The following LEMD3 variants were observed in gnomAD, a reference collection of about 807,000 sequenced individuals.
LEMD3 encodes the protein inner nuclear membrane protein Man1.
Under a neutral mutation model 95.2 loss-of-function variants are expected in LEMD3, and 33 were observed. The ratio of observed to expected loss-of-function variants is 0.35; its 90% confidence interval spans 0.26 to 0.46. The LOEUF (loss-of-function observed/expected upper bound fraction) is 0.46. Ranked by LOEUF, LEMD3 falls within the 20% of genes least tolerant of loss-of-function variation. The probability of loss-of-function intolerance (pLI) is 1.00; values close to 1 mark genes in which losing one functional copy is unlikely to be tolerated. For missense variants in LEMD3, 1,210 were observed against 1,192.8 expected, an observed-to-expected ratio of 1.01 and a Z score of -0.21; for synonymous variants, 525 against 474.6, an observed-to-expected ratio of 1.11 and a Z score of -1.38.
chr12:65,221,801 T>C (rs1016097995), intron 4 of LEMD3, among the ~76,000 whole-genome samples: 2 of 146,096 alleles, frequency 1.4e-5, no homozygotes, highest in African/African-American at 5.1e-5. Flanking sequence ...AGTGCAGTGG[T>C]GTGATCTCTG....
intron 1 of LEMD3, among the ~76,000 whole-genome samples, chr12:65,204,352 C>T (rs1036210712): frequency 2.6e-5 from 4 of 152,008 alleles, no homozygotes; most frequent in Middle Eastern, 3.2e-3. Context: ...TCTGACAGGT[C>T]CCAGTGTGGG....
intron 1 of LEMD3, among the ~76,000 whole-genome samples, chr12:65,193,068 G>A (rs545701206): frequency 1.3e-5 from 2 of 152,210 alleles, no homozygotes; most frequent in East Asian, 1.9e-4. Flanking sequence ...TGTTAGCAGC[G>A]GAACGTATCA....
intron 2 of LEMD3, among the ~76,000 whole-genome samples, chr12:65,212,825 T>TA (rs1869983107): frequency 6.6e-6 from 1 of 152,200 alleles, no homozygotes; most frequent in Non-Finnish European, 1.5e-5. Context: ...AGCCAGTAGT[T>TA]AGACATTTAA....
chr12:65,186,632 T>C (rs769076636), intron 1 of LEMD3, among the ~76,000 whole-genome samples: 19 of 106,406 alleles, frequency 1.8e-4, no homozygotes, highest in Middle Eastern at 4.6e-3. Flanking sequence ...TTTAGATTGC[T>C]TTTTTTTTTT....
At chr12:65,194,848 G>GATTATAATTTATAAATTATAATTTAA (rs1869372263) in intron 1 of LEMD3, among the ~76,000 whole-genome samples, 1 of 139,342 alleles carries the variant, frequency 7.2e-6, no homozygotes, top group African/African-American at 2.5e-5. Context: ...TTATAATTTA[G>GATTATAATTTATAAATTATAATTTAA]ATTATAATTT....
intron 1 of LEMD3, among the ~76,000 whole-genome samples, chr12:65,204,024 A>G (rs1264919514): frequency 6.6e-6 from 1 of 152,090 alleles, no homozygotes; most frequent in Non-Finnish European, 1.5e-5. Flanking sequence ...ATGTGTCTTT[A>G]CATTTGAGGT....
At chr12:65,232,216 CACTACAAAGTTGAT>C (rs1870651020) in intron 4 of LEMD3, among the ~76,000 whole-genome samples, 1 of 152,206 alleles carries the variant, frequency 6.6e-6, no homozygotes, top group African/African-American at 2.4e-5. Flanking sequence ...GGAGGAAACT[CACTACAAAGTTGAT>C]ATCAAACAAG....
chr12:65,238,399 G>T, intron 4 of LEMD3, 103 bp from the exon 5 acceptor site: 1 of 713,088 alleles, frequency 1.4e-6, no homozygotes, highest in Non-Finnish European at 2.4e-6. Context: ...TTTATGTTAT[G>T]TAGTTAAAAT....
chr12:65,219,603 T>C (rs1039565685), intron 4 of LEMD3, among the ~76,000 whole-genome samples: 1 of 152,202 alleles, frequency 6.6e-6, no homozygotes, highest in African/African-American at 2.4e-5. Context: ...TGTTAACATA[T>C]TTTTAAGTAT....
intron 2 of LEMD3, among the ~76,000 whole-genome samples, chr12:65,214,203 T>C (rs1375513180): frequency 6.6e-6 from 1 of 152,096 alleles, no homozygotes; most frequent in African/African-American, 2.4e-5. Context: ...TAGCTGGGAC[T>C]ACAGGTGCAT....
At position 65,171,109 on chromosome 12, in the gene LEMD3, G is replaced by T; in HGVS notation, c.1513G>T (p.Glu505Ter). The change falls in exon 1 of 13, where the codon GAA becomes TAA. Residue 505 changes from glutamate to a stop codon, truncating the protein, a stop_gained. Transcript: ENST00000308330. LOFTEE classifies it high-confidence loss of function. ...AGGGACAGGAGTATCTGAGGATGGA[G>T]AACTCAGCAGTAAGTATTAAATCCT... Reference protein sequence around the residue: ...MRGTGVSEDGELSIENPFGET... With the variant: ...MRGTGVSEDG 6.2e-7 allele frequency: 1 copy of T among 1,611,264 alleles called. No individual in the cohort carries two copies. The highest frequency in any genetic ancestry group is 1.1e-5 in the South Asian group (1 of 91,056).
Position 65,193,732 on chromosome 12 carries a change from C to CTGTGTGTGTGTGTGTGTGTGTG in LEMD3, c.1523-17172_1523-17151dup, listed in dbSNP as rs746675293. 7.6e-4 allele frequency among the ~76,000 whole-genome samples: 99 copies of CTGTGTGTGTGTGTGTGTGTGTG among 129,418 alleles called. 4 individuals carry two copies. The highest frequency in any genetic ancestry group is 2.4e-3 in the African/African-American group (79 of 32,854). 84.9% of individuals were successfully genotyped at this position (129,418 alleles called of 152,430 possible). The stretch of plus-strand genomic sequence containing the variant: ...CCTGATGGTCGCCTAACATAACTGG[C>CTGTGTGTGTGTGTGTGTGTGTG]TGTGTGTGTGTGTGTGTGTGTGTGT... On this transcript the variant is annotated intron_variant, in intron 1 of 12. Transcript: ENST00000308330.
intron 1 of LEMD3, among the ~76,000 whole-genome samples, chr12:65,178,282 T>C (rs934013715): frequency 7.9e-5 from 12 of 152,066 alleles, no homozygotes; most frequent in African/African-American, 2.9e-4. Context: ...CATATACCAG[T>C]TTGATGATTT....
At chr12:65,194,889 A>ATTATACTTTAG (rs1471553920) in intron 1 of LEMD3, among the ~76,000 whole-genome samples, 31 of 71,002 alleles carry the variant, frequency 4.4e-4, no homozygotes, top group Middle Eastern at 0.013. Context: ...TAATTTATAA[A>ATTATACTTTAG]ATTAAAATAA....
At chr12:65,211,024 G>A in intron 2 of LEMD3, 61 bp downstream of exon 2, 1 of 1,210,664 alleles carries the variant, frequency 8.3e-7, no homozygotes, top group Non-Finnish European at 1.2e-6. Flanking sequence ...AAAAGCATGA[G>A]AATGACTATC....
At chr12:65,197,645 G>A (rs1369390731) in intron 1 of LEMD3, among the ~76,000 whole-genome samples, 3 of 152,008 alleles carry the variant, frequency 2.0e-5, no homozygotes, top group Admixed American at 6.6e-5. Flanking sequence ...TCTTCCAGAG[G>A]TAAAACCAAA....
intron 1 of LEMD3, among the ~76,000 whole-genome samples, chr12:65,188,379 T>C (rs890610574): frequency 3.3e-5 from 5 of 152,244 alleles, no homozygotes; most frequent in South Asian, 2.1e-4. Flanking sequence ...ATTTATGAAT[T>C]GGGCAATACT....
At chr12:65,177,495 T>C (rs1868759686) in intron 1 of LEMD3, among the ~76,000 whole-genome samples, 2 of 152,300 alleles carry the variant, frequency 1.3e-5, no homozygotes, top group South Asian at 4.1e-4. Flanking sequence ...AAAAGTGGTC[T>C]AGGGAAAATG....
At position 65,212,046 on chromosome 12, in the gene LEMD3, A is replaced by ACTCACAGTTCGGCTGGGGAGGC. The variant is rs533177651; in HGVS notation, c.1560+1092_1560+1113dup. Among the ~76,000 whole-genome samples, 108 of 152,240 alleles carry ACTCACAGTTCGGCTGGGGAGGC rather than the reference A, an allele frequency of 7.1e-4. 1 individual carries two copies. Among genetic ancestry groups the ACTCACAGTTCGGCTGGGGAGGC allele is most frequent in the African/African-American group, 2.5e-3 (104 of 41,542 alleles). On this transcript the variant is annotated intron_variant, in intron 2 of 12. Coordinates refer to ENST00000308330, the MANE Select transcript of LEMD3 (RefSeq NM_014319.5). ...TTTATAAAGGAAAGAGGTTTAATTG[A>ACTCACAGTTCGGCTGGGGAGGC]CTCACAGTTCGGCTGGGGAGGCCTC...
Sources: allele counts gnomAD v4.1 joint callset (sites outside exome capture counted in the v4.1 genomes callset), GRCh38; gene constraint gnomAD v4.1.1; transcripts MANE v1.5; gene names NCBI Gene and HGNC (gene_info 2026-07-23, HGNC 2026-07-21).